POLR3GL: variants seen among roughly 807,000 people sequenced by gnomAD.
POLR3GL encodes the protein RNA polymerase III subunit GL.
A neutral mutation model predicts 32.4 loss-of-function variants in POLR3GL; 26 were observed. The ratio of observed to expected loss-of-function variants is 0.80; its 90% CI spans 0.59 to 1.11. The LOEUF (loss-of-function observed/expected upper bound fraction) is 1.11. Ranked by LOEUF, POLR3GL falls within the 50% of genes most tolerant of loss-of-function variation. The pLI, the probability that POLR3GL is intolerant of heterozygous loss-of-function variation, is 0.00. For synonymous variants in POLR3GL, 95 were observed against 98.7 expected (o/e 0.96, Z 0.22); for missense variants, 229 against 280.1 (o/e 0.82, Z 1.30).
At chr1:145,971,021 T>TA (rs1299009307) in intron 1 of POLR3GL, among the ~76,000 whole-genome samples, 2 of 146,022 alleles carry the variant, frequency 1.4e-5, no homozygotes, top group East Asian at 2.1e-4. Flanking sequence ...CCCTCTGTAC[T>TA]AAAAAAAGTA....
At chr1:145,966,386 G>A (rs1185453463) in intron 1 of POLR3GL, among the ~76,000 whole-genome samples, 1 of 151,658 alleles carries the variant, frequency 6.6e-6, no homozygotes, top group Non-Finnish European at 1.5e-5. Flanking sequence ...GGAGGCTGAG[G>A]TGGAGGGTTG....
chr1:145,977,624 A>G, intron 5 of POLR3GL, 85 bp downstream of exon 5: 2 of 1,395,212 alleles, frequency 1.4e-6, no homozygotes, highest in South Asian at 2.3e-5. Flanking sequence ...CTCACCTTCC[A>G]TCCCAGTTCC....
chr1:145,977,254 G>C, intron 4 of POLR3GL, 102 bp downstream of exon 4: 3 of 1,041,640 alleles, frequency 2.9e-6, no homozygotes, highest in Middle Eastern at 2.1e-4. Context: ...CCCCGATCCA[G>C]CATCTGCAAG....
chr1:145,975,409 T>G lies in POLR3GL; in HGVS notation c.229T>G (p.Phe77Val), dbSNP rs781835320. The G allele has an allele frequency of 5.6e-6, 9 of 1,613,942 alleles. No individual in the cohort carries two copies. Among genetic ancestry groups the G allele is most frequent in the Non-Finnish European group, 7.6e-6 (9 of 1,179,920 alleles). Residue 77 changes from phenylalanine (F) to valine (V), a missense_variant, in exon 3 of 8, where the codon TTC becomes GTC. Physicochemically the swap from Phe to Val is conservative, Grantham distance 50 (BLOSUM62 -1). Coordinates refer to ENST00000369314, the MANE Select transcript of POLR3GL (RefSeq NM_032305.3). ...LRGAMRQLPY[F>V]IRPAVPKRDV... ...AGGAGCCATGAGGCAGCTCCCCTAC[T>G]TCATCCGGCCAGCTGTCCCCAAGAG... is the stretch of plus-strand genomic sequence containing the variant.
chr1:145,973,791 G>T (rs1650429582), intron 1 of POLR3GL, among the ~76,000 whole-genome samples: 1 of 151,734 alleles, frequency 6.6e-6, no homozygotes, highest in South Asian at 2.1e-4. Context: ...CACTGGGAGG[G>T]GTTTAGACTA....
Position 145,977,884 on chromosome 1 carries a change from G to A in POLR3GL, c.456+33G>A, listed in dbSNP as rs781911054. The A allele has an allele frequency of 3.1e-6, 5 of 1,613,538 alleles. No homozygotes were observed. The Admixed American group carries it at 5.0e-5, about 16-fold the overall frequency. The stretch of plus-strand genomic sequence containing the variant: ...GGAAGTGTGCATAGAGACCTCCTGA[G>A]CCCTGGATCCATTCCCTCTCTCTTG... On this transcript the variant is annotated intron_variant, in intron 6 of 7. Coordinates refer to ENST00000369314, the MANE Select transcript of POLR3GL (RefSeq NM_032305.3).
At chr1:145,972,905 C>T (rs587684236) in intron 1 of POLR3GL, among the ~76,000 whole-genome samples, 31 of 152,144 alleles carry the variant, frequency 2.0e-4, no homozygotes, top group African/African-American at 7.5e-4. Flanking sequence ...GCCCTGTTGT[C>T]CAGACTGGTC....
At chr1:145,969,635 A>C (rs1470325709) in intron 1 of POLR3GL, among the ~76,000 whole-genome samples, 1 of 148,404 alleles carries the variant, frequency 6.7e-6, no homozygotes, top group African/African-American at 2.5e-5. Flanking sequence ...AGCATACATA[A>C]CCTGGCTGGG....
intron 4 of POLR3GL, 84 bp from the exon 5 acceptor site, chr1:145,977,399 C>T: frequency 7.3e-7 from 1 of 1,368,564 alleles, no homozygotes; most frequent in Non-Finnish European, 1.0e-6. Flanking sequence ...CCTTTAAAAC[C>T]CTCACCCCCC....
At chr1:145,977,186 T>C (rs1553763562) in intron 4 of POLR3GL, 34 bp downstream of exon 4, 9 of 1,554,712 alleles carry the variant, frequency 5.8e-6, no homozygotes, top group South Asian at 2.2e-5. Context: ...ACTGCCCTTC[T>C]TTCAAATGCA....
At chr1:145,966,545 T>C (rs1650039783) in intron 1 of POLR3GL, among the ~76,000 whole-genome samples, 1 of 151,016 alleles carries the variant, frequency 6.6e-6, no homozygotes. Context: ...CCCAGCACTT[T>C]GTGAGGCCAA....
chr1:145,977,585 T>A, intron 5 of POLR3GL, 46 bp downstream of exon 5: 1 of 1,556,544 alleles, frequency 6.4e-7, no homozygotes, highest in Non-Finnish European at 8.9e-7. Flanking sequence ...GTTTCCTTCA[T>A]CAGCCTGAGG....
At chr1:145,974,537 A>G (rs1001334800) in intron 1 of POLR3GL, among the ~76,000 whole-genome samples, 2 of 152,146 alleles carry the variant, frequency 1.3e-5, no homozygotes, top group African/African-American at 4.8e-5. Flanking sequence ...GCAGATAGAG[A>G]TAAACATCAA....
chr1:145,966,178 C>G (rs1483350847), intron 1 of POLR3GL, among the ~76,000 whole-genome samples: 5 of 141,482 alleles, frequency 3.5e-5, no homozygotes, highest in African/African-American at 5.2e-5. Flanking sequence ...TGGTAGCATT[C>G]TTAAAAGCAA....
chr1:145,968,471 T>G (rs1650131948), intron 1 of POLR3GL, among the ~76,000 whole-genome samples: 1 of 152,204 alleles, frequency 6.6e-6, no homozygotes, highest in Non-Finnish European at 1.5e-5. Context: ...CAGCAGCTCC[T>G]ATCTCCACTG....
Position 145,975,006 on chromosome 1 carries a change from TC to T in POLR3GL, c.126+18del. The T allele has an allele frequency of 6.6e-7, 1 of 1,508,232 alleles. No homozygotes were observed. Among genetic ancestry groups the T allele is most frequent in the Non-Finnish European group, 8.8e-7 (1 of 1,131,176 alleles). The allele number at this position is 1,508,232 out of a possible 1,614,324, so 93.4% of individuals were successfully genotyped here. A position where few individuals can be genotyped will look rare whatever the true frequency, so the allele number is the denominator to read the frequency against. ...CACTCTTCCCTGTGAGTCTCTCCACTCCCTTCCCAGACTCTCATGTGCCCCT... is the reference window on the plus strand; with the variant it reads ...CACTCTTCCCTGTGAGTCTCTCCACTCCTTCCCAGACTCTCATGTGCCCCT... On this transcript the variant is annotated intron_variant, in intron 2 of 7. Coordinates refer to ENST00000369314, the MANE Select transcript of POLR3GL (RefSeq NM_032305.3).
chr1:145,967,415 A>G (rs1650088846), intron 1 of POLR3GL, among the ~76,000 whole-genome samples: 1 of 151,998 alleles, frequency 6.6e-6, no homozygotes, highest in Non-Finnish European at 1.5e-5. Flanking sequence ...GCCTCAAGTG[A>G]TCTGTCCACC....
At chr1:145,973,770 G>A (rs1650428311) in intron 1 of POLR3GL, among the ~76,000 whole-genome samples, 1 of 151,664 alleles carries the variant, frequency 6.6e-6, no homozygotes, top group Non-Finnish European at 1.5e-5. Context: ...AATTTACAGA[G>A]TGAAGTCCTG....
chr1:145,977,171 C>T lies in POLR3GL; in HGVS notation c.325+19C>T. The T allele has an allele frequency of 6.3e-7, 1 of 1,595,118 alleles. No individual in the cohort carries two copies. Among genetic ancestry groups the T allele is most frequent in the South Asian group, 1.1e-5 (1 of 90,694 alleles). On this transcript the variant is annotated intron_variant, in intron 4 of 7. Coordinates refer to ENST00000369314, the MANE Select transcript of POLR3GL (RefSeq NM_032305.3). ...AACCCTGGTAGGTGATGGGCCCTTTCATTGACTGCCCTTCTTTCAAATGCA... is the reference window on the plus strand; with the variant it reads ...AACCCTGGTAGGTGATGGGCCCTTTTATTGACTGCCCTTCTTTCAAATGCA...
Sources: allele counts gnomAD v4.1 joint callset (sites outside exome capture counted in the v4.1 genomes callset), GRCh38; gene constraint gnomAD v4.1.1; transcripts MANE v1.5; gene names NCBI Gene and HGNC (gene_info 2026-07-23, HGNC 2026-07-21).